RNF213: variants seen among roughly 807,000 people sequenced by gnomAD.
The protein encoded by RNF213 is E3 ubiquitin-protein ligase RNF213.
Under a neutral mutation model 514.4 loss-of-function variants are expected in RNF213, and 341 were observed. The observed-to-expected ratio is 0.66, with a 90% CI of 0.61 to 0.73. The LOEUF is 0.73. Ranked by LOEUF, RNF213 falls within the 30% of genes least tolerant of loss-of-function variation. The probability of loss-of-function intolerance (pLI) is 0.00; values close to 1 mark genes in which losing one functional copy is unlikely to be tolerated. For missense variants in RNF213, 5,767 were observed against 6,615.6 expected (o/e 0.87, Z 4.45); for synonymous variants, 2,655 against 2,658.2 (o/e 1.00, Z 0.04).
rs756381121 is a variant in RNF213 at position 80,353,968 on chromosome 17, G to T, written c.10579-51G>T. The T allele has an allele frequency of 1.2e-6, 2 of 1,610,434 alleles. No homozygotes were observed. Among genetic ancestry groups the T allele is most frequent in the Non-Finnish European group, 1.7e-6 (2 of 1,177,952 alleles). Reference sequence around the variant, plus strand: ...ATCGCATACGGGCGGTTTGGCTTTTGCCCACTGTGTCAGTGGCAGAAACGG... The same window carrying T: ...ATCGCATACGGGCGGTTTGGCTTTTTCCCACTGTGTCAGTGGCAGAAACGG... On this transcript the variant is annotated intron_variant, in intron 34 of 67. Coordinates refer to ENST00000582970, the MANE Select transcript of RNF213 (RefSeq NM_001256071.3). The surrounding 1 kb of genome is among the most constrained non-coding windows in gnomAD (Gnocchi z 5.0).
intron 8 of RNF213, 90 bp downstream of exon 8, chr17:80,291,917 A>T: frequency 7.0e-7 from 1 of 1,435,524 alleles, no homozygotes; most frequent in Non-Finnish European, 9.6e-7. Context: ...GAGAGCACAG[A>T]CTTTGCCTGG....
At chr17:80,301,977 G>T (rs1358489453) in intron 11 of RNF213, among the ~76,000 whole-genome samples, 4 of 152,176 alleles carry the variant, frequency 2.6e-5, no homozygotes, top group African/African-American at 9.7e-5. Context: ...TCTGTCTTTC[G>T]CAGCAACATG....
intron 3 of RNF213, among the ~76,000 whole-genome samples, chr17:80,282,525 A>T (rs1196948104): frequency 6.6e-6 from 1 of 151,758 alleles, no homozygotes; most frequent in East Asian, 1.9e-4. Context: ...CAGCCTCCCG[A>T]GTAGCTGGGA....
At chr17:80,308,997 T>A (rs1029945159) in intron 13 of RNF213, 21 bp from the exon 14 acceptor site, 2 of 1,613,432 alleles carry the variant, frequency 1.2e-6, no homozygotes, top group African/African-American at 2.7e-5. Flanking sequence ...CCGGGATTTC[T>A]CTTAACTCTT....
At chr17:80,273,141 G>C (rs2043882555) in intron 2 of RNF213, 100 bp from the exon 3 acceptor site, 3 of 1,487,178 alleles carry the variant, frequency 2.0e-6, no homozygotes, top group Non-Finnish European at 2.8e-6. Flanking sequence ...AGGGAGAACA[G>C]GGTGAATCTC....
rs1349616161 is a variant in RNF213 at position 80,317,067 on chromosome 17, T to C, written c.2812-121T>C. 9.5e-7 allele frequency: 1 copy of C among 1,049,714 alleles called. No homozygotes were observed. Among genetic ancestry groups the C allele is most frequent in the Non-Finnish European group, 1.4e-6 (1 of 691,644 alleles). The allele number at this position is 1,049,714 out of a possible 1,614,324, so 65.0% of individuals were successfully genotyped here. A position where few individuals can be genotyped will look rare whatever the true frequency, so the allele number is the denominator to read the frequency against. Reference sequence around the variant, plus strand: ...TGTTGATGAAGGTTGGGGAGAGCCCTGGTGTTCGCGGAGTCCCGCGCTCTC... The same window carrying C: ...TGTTGATGAAGGTTGGGGAGAGCCCCGGTGTTCGCGGAGTCCCGCGCTCTC... On this transcript the variant is annotated intron_variant, in intron 15 of 67. Coordinates refer to ENST00000582970, the MANE Select transcript of RNF213 (RefSeq NM_001256071.3). The surrounding 1 kb of genome is among the most constrained non-coding windows in gnomAD (Gnocchi z 4.1).
intron 15 of RNF213, among the ~76,000 whole-genome samples, chr17:80,314,178 A>G (rs1284216483): frequency 4.2e-5 from 4 of 95,554 alleles, no homozygotes; most frequent in African/African-American, 9.7e-5. Context: ...GGTGGAGGTG[A>G]TGGTGGTGGT....
chr17:80,364,601 C>T (rs763996463), intron 42 of RNF213, 48 bp downstream of exon 42: 18 of 1,612,910 alleles, frequency 1.1e-5, no homozygotes, highest in African/African-American at 9.3e-5. Context: ...CACCCTTTTC[C>T]GAAAGGAAGA....
intron 13 of RNF213, among the ~76,000 whole-genome samples, chr17:80,308,459 T>C (rs970735505): frequency 6.6e-6 from 1 of 151,292 alleles, no homozygotes; most frequent in African/African-American, 2.4e-5. Flanking sequence ...CTAAGCCTCC[T>C]TCTGAGTCCC....
chr17:80,369,057 A>G (rs530725538), intron 44 of RNF213, among the ~76,000 whole-genome samples: 1 of 152,298 alleles, frequency 6.6e-6, no homozygotes, highest in African/African-American at 2.4e-5. Flanking sequence ...GAGGTTTTGA[A>G]GACTAGCTCT....
Position 80,288,769 on chromosome 17 carries a change from C to T in RNF213, c.933+14C>T. ...ACACACTGCCAGGTGCGTCTCCTTC[C>T]TGCCTGCCGGCTCCAGGAGGCCCTC... On this transcript the variant is annotated intron_variant, in intron 5 of 67. Transcript: ENST00000582970. This position sits in a 1 kb window ranked among gnomAD's most constrained non-coding sequence, Gnocchi z 4.9. The T allele has an allele frequency of 6.2e-7, 1 of 1,614,040 alleles. No individual in the cohort carries two copies. The highest frequency in any genetic ancestry group is 1.3e-5 in the African/African-American group (1 of 75,080).
At chr17:80,306,007 T>C (rs577223154) in intron 11 of RNF213, among the ~76,000 whole-genome samples, 1 of 152,258 alleles carries the variant, frequency 6.6e-6, no homozygotes, top group Non-Finnish European at 1.5e-5. Context: ...TTTTATTTTT[T>C]AAAGTAGAGA....
In RNF213 at chr17:80,369,613, T is replaced by G. The variant is rs754723042; in HGVS notation, c.12267T>G (p.Ile4089Met). Residue 4089 changes from isoleucine to methionine, a missense_variant, in exon 45 of 68, where the codon ATT becomes ATG. Around this residue, in one of 13 missense-constraint regions of RNF213, gnomAD observed 93 missense variants for 95.6 expected, o/e 0.97. Coordinates refer to ENST00000582970, the MANE Select transcript of RNF213 (RefSeq NM_001256071.3). ...KDNAPPEKEV[I>M]ESLLSLLFVQ... ...ACGCTCCGCCTGAGAAGGAAGTGAT[T>G]GAGAGCCTGCTCTCTCTCCTCTTCG... 1 of 1,614,132 alleles carries G rather than the reference T, an allele frequency of 6.2e-7. No individual in the cohort carries two copies. The highest frequency in any genetic ancestry group is 8.5e-7 in the Non-Finnish European group (1 of 1,180,048).
chr17:80,383,551 A>G, intron 58 of RNF213, 126 bp from the exon 59 acceptor site: 1 of 919,268 alleles, frequency 1.1e-6, no homozygotes, highest in East Asian at 2.4e-5. Flanking sequence ...ATACCTGATT[A>G]CATGCTCAGA....
chr17:80,357,443 G>A (rs989583584), intron 36 of RNF213, among the ~76,000 whole-genome samples: 1 of 152,068 alleles, frequency 6.6e-6, no homozygotes, highest in Non-Finnish European at 1.5e-5. Context: ...CTCAGATCTA[G>A]TGTACAAAAA....
intron 5 of RNF213, among the ~76,000 whole-genome samples, chr17:80,289,288 A>T (rs554943358): frequency 6.6e-6 from 1 of 152,236 alleles, no homozygotes; most frequent in African/African-American, 2.4e-5. Flanking sequence ...CATCCCCTGT[A>T]GGGGTCAATG....
Position 80,345,969 on chromosome 17 carries a change from A to T in RNF213, c.7634A>T (p.Tyr2545Phe), listed in dbSNP as rs1480127844. The T allele has an allele frequency of 6.2e-7, 1 of 1,614,114 alleles. No homozygotes were observed. The highest frequency in any genetic ancestry group is 2.2e-5 in the East Asian group (1 of 44,900). ...CGTTTGGAGTCAGCTGGTTTGGGCT[A>T]CAGGGTTAGTATGGAGGAGACGGCC... is the stretch of plus-strand genomic sequence containing the variant. The part of the protein sequence containing the change: ...ICRLESAGLG[Y>F]RVSMEETADR... The change falls in exon 29 of 68, where the codon TAC becomes TTC. Residue 2545 changes from tyrosine to phenylalanine, a missense_variant. By Grantham distance (22) the Tyr-to-Phe change is conservative. Transcript: ENST00000582970. This position sits in a 1 kb window ranked among gnomAD's most constrained non-coding sequence, Gnocchi z 6.0.
intron 63 of RNF213, among the ~76,000 whole-genome samples, chr17:80,387,637 C>T (rs1006193981): frequency 5.3e-5 from 8 of 152,272 alleles, no homozygotes; most frequent in Non-Finnish European, 1.0e-4. Context: ...CTAAAACCCA[C>T]ATCTGGCTCT....
At chr17:80,374,305 C>A (rs886776449) in intron 49 of RNF213, among the ~76,000 whole-genome samples, 153 bp from the exon 50 acceptor site, 1 of 152,224 alleles carries the variant, frequency 6.6e-6, no homozygotes, top group African/African-American at 2.4e-5. Flanking sequence ...GAAGAGGGCA[C>A]CAGACTGTCC....
Sources: allele counts gnomAD v4.1 joint callset (sites outside exome capture counted in the v4.1 genomes callset), GRCh38; gene constraint gnomAD v4.1.1; regional missense constraint gnomAD v4.1.1; non-coding constraint Gnocchi (gnomAD v3.1); transcripts MANE v1.5; gene names NCBI Gene and HGNC (gene_info 2026-07-23, HGNC 2026-07-21).